Variants in FHIT observed in about 807,000 individuals in gnomAD.
FHIT encodes the protein fragile histidine triad diadenosine triphosphatase.
In FHIT, 19 loss-of-function variants were observed where a neutral mutation model predicts 17.9. The observed-to-expected ratio is 1.06, with a 90% CI of 0.74 to 1.56. The LOEUF (loss-of-function observed/expected upper bound fraction) is 1.56, where lower values mean the gene tolerates loss of function less well. Among genes scored for constraint, FHIT ranks in the 40% most tolerant of loss-of-function variants. The pLI, the probability that FHIT is intolerant of heterozygous loss-of-function variation, is 0.00. For synonymous variants in FHIT, 81 were observed against 69.7 expected, an observed-to-expected ratio of 1.16 and a Z score of -0.81; for missense variants, 248 against 189.2, an observed-to-expected ratio of 1.31 and a Z score of -1.82.
At chr3:61,192,922 T>C (rs2038757324) in intron 2 of FHIT, among the ~76,000 whole-genome samples, 2 of 152,324 alleles carry the variant, frequency 1.3e-5, no homozygotes, top group Non-Finnish European at 2.9e-5. Context: ...TTTTAAAATA[T>C]CAATTTGTAC....
chr3:59,874,436 C>T (rs1224729142), intron 8 of FHIT, among the ~76,000 whole-genome samples: 1 of 152,154 alleles, frequency 6.6e-6, no homozygotes, highest in Non-Finnish European at 1.5e-5. Flanking sequence ...GGTTACTGAG[C>T]CCCAGTCAGC....
At chr3:60,167,345 T>C (rs1214474389) in intron 5 of FHIT, among the ~76,000 whole-genome samples, 1 of 152,220 alleles carries the variant, frequency 6.6e-6, no homozygotes, top group Non-Finnish European at 1.5e-5. Flanking sequence ...ACACCTCTTA[T>C]TCTAGTAGGA....
chr3:60,476,230 T>C (rs1358414555), intron 5 of FHIT, among the ~76,000 whole-genome samples: 1 of 152,046 alleles, frequency 6.6e-6, no homozygotes, highest in African/African-American at 2.4e-5. Flanking sequence ...ATTTCCCTGG[T>C]ATGAGACAGA....
intron 4 of FHIT, among the ~76,000 whole-genome samples, chr3:60,788,762 T>G (rs1700671036): frequency 6.6e-6 from 1 of 152,200 alleles, no homozygotes. Flanking sequence ...ACATACACAT[T>G]TGCATAAGAT....
intron 5 of FHIT, among the ~76,000 whole-genome samples, chr3:60,048,200 A>G (rs962505875): frequency 6.6e-6 from 1 of 152,120 alleles, no homozygotes; most frequent in Non-Finnish European, 1.5e-5. Context: ...CTTTTGAGAC[A>G]GAGTCTCACT....
chr3:60,460,534 T>TA (rs1383796176), intron 5 of FHIT, among the ~76,000 whole-genome samples: 1 of 152,204 alleles, frequency 6.6e-6, no homozygotes, highest in Non-Finnish European at 1.5e-5. Flanking sequence ...TTTTTAGTTT[T>TA]AAAAAATCCC....
intron 3 of FHIT, among the ~76,000 whole-genome samples, chr3:60,869,740 C>G (rs1385065006): frequency 6.6e-6 from 1 of 152,074 alleles, no homozygotes; most frequent in Non-Finnish European, 1.5e-5. Context: ...ACAGCCACCC[C>G]AGAAGTGCCA....
At chr3:60,301,473 T>C (rs1229300954) in intron 5 of FHIT, among the ~76,000 whole-genome samples, 6 of 152,138 alleles carry the variant, frequency 3.9e-5, no homozygotes, top group African/African-American at 7.2e-5. Context: ...GCTCAACCCA[T>C]ACACATAAAC....
chr3:61,121,245 G>A (rs1247773529), intron 2 of FHIT, among the ~76,000 whole-genome samples: 3 of 152,002 alleles, frequency 2.0e-5, no homozygotes, highest in Non-Finnish European at 4.4e-5. Context: ...TACAGAGAAC[G>A]CCACAAATAT....
At chr3:60,090,478 C>T (rs978712760) in intron 5 of FHIT, among the ~76,000 whole-genome samples, 1 of 152,146 alleles carries the variant, frequency 6.6e-6, no homozygotes, top group Non-Finnish European at 1.5e-5. Context: ...GAGCTGGGAG[C>T]ATTTTCTTTA....
intron 5 of FHIT, among the ~76,000 whole-genome samples, chr3:60,333,705 T>G (rs1710102336): frequency 6.6e-6 from 1 of 152,230 alleles, no homozygotes; most frequent in South Asian, 2.1e-4. Context: ...GTGTATGATT[T>G]ATTTTAATAA....
At chr3:60,436,748 G>C (rs564246955) in intron 5 of FHIT, among the ~76,000 whole-genome samples, 18 of 152,100 alleles carry the variant, frequency 1.2e-4, no homozygotes, top group South Asian at 8.3e-4. Context: ...TCACAGATCT[G>C]AGCCAAAAGA....
chr3:60,210,932 A>G (rs1463720343), intron 5 of FHIT, among the ~76,000 whole-genome samples: 1 of 152,124 alleles, frequency 6.6e-6, no homozygotes, highest in Non-Finnish European at 1.5e-5. Context: ...CAAAGATAAA[A>G]TATATGTTTG....
intron 5 of FHIT, among the ~76,000 whole-genome samples, chr3:60,312,664 C>A (rs1374922410): frequency 1.3e-5 from 2 of 152,100 alleles, no homozygotes; most frequent in African/African-American, 4.8e-5. Flanking sequence ...GCTGCTCCTG[C>A]CAGCCTATCA....
chr3:60,142,315 A>T (rs1040743577), intron 5 of FHIT, among the ~76,000 whole-genome samples: 3 of 152,192 alleles, frequency 2.0e-5, no homozygotes, highest in Admixed American at 1.3e-4. Flanking sequence ...CTGCTCAAAA[A>T]ATATGTTGCA....
chr3:60,379,189 A>G (rs1305450466), intron 5 of FHIT, among the ~76,000 whole-genome samples: 1 of 152,212 alleles, frequency 6.6e-6, no homozygotes, highest in Non-Finnish European at 1.5e-5. Flanking sequence ...CAATTTCTGC[A>G]TTAATGCAAG....
intron 4 of FHIT, among the ~76,000 whole-genome samples, chr3:60,774,214 T>C (rs1218612125): frequency 2.6e-5 from 4 of 152,210 alleles, no homozygotes; most frequent in Admixed American, 1.3e-4. Context: ...GTTCCAAGAA[T>C]CCCAGTGGAT....
At chr3:60,605,109 C>CAGAG (rs200088355) in intron 4 of FHIT, among the ~76,000 whole-genome samples, 24 of 151,972 alleles carry the variant, frequency 1.6e-4, no homozygotes, top group African/African-American at 4.6e-4. Flanking sequence ...AACACACACA[C>CAGAG]ACAGAGAGAG....
intron 5 of FHIT, among the ~76,000 whole-genome samples, chr3:60,223,147 C>A (rs1704039568): frequency 6.6e-6 from 1 of 152,124 alleles, no homozygotes; most frequent in Non-Finnish European, 1.5e-5. Context: ...TAGAGGCTCC[C>A]CTCAGGCAGA....
Sources: allele counts gnomAD v4.1 joint callset (sites outside exome capture counted in the v4.1 genomes callset), GRCh38; gene constraint gnomAD v4.1.1; transcripts MANE v1.5; gene names NCBI Gene and HGNC (gene_info 2026-07-23, HGNC 2026-07-21).